CLINT1: variants seen among roughly 807,000 people sequenced by gnomAD.
CLINT1 encodes the protein clathrin interacting protein localized in the trans-Golgi region.
In CLINT1, 15 loss-of-function variants were observed where a neutral mutation model predicts 70.4. The ratio of observed to expected loss-of-function variants is 0.21; its 90% CI spans 0.14 to 0.33. The LOEUF (loss-of-function observed/expected upper bound fraction) is 0.33. CLINT1 is among the 10% of genes least tolerant of loss of function. The pLI is 1.00. For synonymous variants in CLINT1, 227 were observed against 254.7 expected (o/e 0.89, Z 1.04); for missense variants, 615 against 778.1 (o/e 0.79, Z 2.49).
At chr5:157,798,096 T>C (rs1762116176) in intron 8 of CLINT1, among the ~76,000 whole-genome samples, 1 of 152,200 alleles carries the variant, frequency 6.6e-6, no homozygotes, top group South Asian at 2.1e-4. Context: ...TTGAAAACTG[T>C]CTCAAAAATT....
In CLINT1 at chr5:157,832,805, G is replaced by A. The variant is rs117173545; in HGVS notation, c.42-15258C>T. 4.2e-3 allele frequency among the ~76,000 whole-genome samples: 643 copies of A among 152,140 alleles called. 32 individuals carry two copies. The East Asian group carries it at 0.1, about 24-fold the overall frequency. On this transcript the variant is annotated intron_variant, in intron 1 of 11. Transcript: ENST00000411809. ...ATATCCAATCTACTCCCAGGTCTTT[G>A]CAATTCTATTCCCTAGGTACCTCTC...
Position 157,791,907 on chromosome 5 carries a change from G to T in CLINT1, c.1176C>A (p.Phe392Leu). The T allele has an allele frequency of 3.7e-6, 6 of 1,614,008 alleles. No homozygotes were observed. Among genetic ancestry groups the T allele is most frequent in the Non-Finnish European group, 5.1e-6 (6 of 1,179,876 alleles). The change falls in exon 10 of 12, where the codon TTC becomes TTA. Residue 392 changes from phenylalanine to leucine, a missense_variant. By Grantham distance (22) the Phe-to-Leu change is conservative. Around this residue, in one of 2 missense-constraint regions of CLINT1, gnomAD observed 374 missense variants for 409.6 expected, o/e 0.91. Coordinates refer to ENST00000411809, the MANE Select transcript of CLINT1 (RefSeq NM_014666.4). ...CCGCTGGCTGTGAGGCACTGCCAAA[G>T]AACTCGCCACTGGAAGCAACAGGGC... ...PSGPVASSGEFFGSASQPAVE... is the reference protein window; with the variant it reads ...PSGPVASSGELFGSASQPAVE...
intron 1 of CLINT1, chr5:157,823,797 C>T (rs1762948225): frequency 1.6e-6 from 1 of 614,750 alleles, no homozygotes; most frequent in African/African-American, 2.0e-5. Flanking sequence ...GCGGACCGGC[C>T]TGTTGGGAAT....
intron 10 of CLINT1, 116 bp from the exon 11 acceptor site, chr5:157,789,629 A>T: frequency 2.2e-6 from 3 of 1,333,764 alleles, no homozygotes. Context: ...ATCAGATGGC[A>T]ATTTAATCAC....
chr5:157,815,465 A>C (rs1762691937), intron 3 of CLINT1, among the ~76,000 whole-genome samples: 1 of 152,196 alleles, frequency 6.6e-6, no homozygotes, highest in Non-Finnish European at 1.5e-5. Context: ...CTATATAATA[A>C]ATTGTACATT....
chr5:157,814,573 T>G (rs1762656267), intron 3 of CLINT1, among the ~76,000 whole-genome samples: 1 of 152,198 alleles, frequency 6.6e-6, no homozygotes, highest in African/African-American at 2.4e-5. Context: ...TCAGAATGCT[T>G]GATATAAATA....
intron 5 of CLINT1, among the ~76,000 whole-genome samples, chr5:157,811,881 G>A (rs1033280200): frequency 6.6e-6 from 1 of 152,062 alleles, no homozygotes; most frequent in African/African-American, 2.4e-5. Flanking sequence ...TTACTACTTG[G>A]GTAAATAATC....
chr5:157,838,673 A>G (rs776835791), intron 1 of CLINT1, among the ~76,000 whole-genome samples: 33 of 152,258 alleles, frequency 2.2e-4, no homozygotes, highest in Admixed American at 1.1e-3. Context: ...TAAACAATTC[A>G]AAAACCAAAA....
intron 1 of CLINT1, among the ~76,000 whole-genome samples, chr5:157,856,976 T>C (rs1753778668): frequency 6.6e-6 from 1 of 152,264 alleles, no homozygotes; most frequent in African/African-American, 2.4e-5. Flanking sequence ...CCTCGATTTC[T>C]GTCTTACGAA....
At chr5:157,834,842 T>C (rs934966336) in intron 1 of CLINT1, among the ~76,000 whole-genome samples, 2 of 152,250 alleles carry the variant, frequency 1.3e-5, no homozygotes, top group Non-Finnish European at 2.9e-5. Context: ...TATGAATTTA[T>C]TTTAATTACC....
chr5:157,844,513 A>C (rs1349787947), intron 1 of CLINT1, among the ~76,000 whole-genome samples: 2 of 152,190 alleles, frequency 1.3e-5, no homozygotes, highest in African/African-American at 4.8e-5. Flanking sequence ...TCAGTGAAGG[A>C]CCCTTACAAG....
intron 1 of CLINT1, among the ~76,000 whole-genome samples, chr5:157,829,345 A>G (rs968990760): frequency 4.6e-5 from 7 of 152,194 alleles, no homozygotes; most frequent in Non-Finnish European, 1.0e-4. Context: ...AATTTTTTTA[A>G]AACAGTAGTC....
At position 157,787,294 on chromosome 5, in the gene CLINT1, G is replaced by A. The variant is rs1173765825; in HGVS notation, c.*352C>T. ...AAATCAAGTTCCTCAGGAAAAGAAA[G>A]TATAAAATTAGAGATTCAAACACAT... is the stretch of plus-strand genomic sequence containing the variant. On this transcript the variant is annotated 3_prime_UTR_variant, in exon 12 of 12. Transcript: ENST00000411809. 5.0e-6 allele frequency: 1 copy of A among 200,776 alleles called. No individual in the cohort carries two copies. Among genetic ancestry groups the A allele is most frequent in the East Asian group, 1.3e-4 (1 of 7,936 alleles). 12.4% of individuals were successfully genotyped at this position (200,776 alleles called of 1,614,324 possible). A position where few individuals can be genotyped will look rare whatever the true frequency, so the allele number is the denominator to read the frequency against.
intron 4 of CLINT1, among the ~76,000 whole-genome samples, chr5:157,813,777 A>G (rs1211031016): frequency 6.6e-6 from 1 of 152,204 alleles, no homozygotes; most frequent in African/African-American, 2.4e-5. Flanking sequence ...TTCACATTCA[A>G]AACACACTGT....
chr5:157,803,333 GAGTC>G (rs1482072525), intron 8 of CLINT1, among the ~76,000 whole-genome samples: 1 of 152,122 alleles, frequency 6.6e-6, no homozygotes, highest in Non-Finnish European at 1.5e-5. Flanking sequence ...CAGGTATGAG[GAGTC>G]ATTAAAATCT....
At chr5:157,848,886 T>A (rs1753476348) in intron 1 of CLINT1, among the ~76,000 whole-genome samples, 1 of 151,972 alleles carries the variant, frequency 6.6e-6, no homozygotes, top group Non-Finnish European at 1.5e-5. Flanking sequence ...GGTCTCGAAC[T>A]CCTAACTTCA....
intron 1 of CLINT1, among the ~76,000 whole-genome samples, chr5:157,841,769 C>T (rs1753186401): frequency 6.6e-6 from 1 of 152,158 alleles, no homozygotes; most frequent in East Asian, 1.9e-4. Flanking sequence ...TATAGGCGTG[C>T]ATCATCACAT....
intron 1 of CLINT1, among the ~76,000 whole-genome samples, chr5:157,847,755 T>C (rs577145821): frequency 6.6e-6 from 1 of 152,152 alleles, no homozygotes; most frequent in Non-Finnish European, 1.5e-5. Context: ...GCAAAATAAG[T>C]GGTTTCTTGA....
At chr5:157,803,412 T>G (rs1762285999) in intron 8 of CLINT1, among the ~76,000 whole-genome samples, 1 of 152,074 alleles carries the variant, frequency 6.6e-6, no homozygotes, top group Non-Finnish European at 1.5e-5. Flanking sequence ...CAAACAAAGT[T>G]TTGCTAGTCT....
Sources: allele counts gnomAD v4.1 joint callset (sites outside exome capture counted in the v4.1 genomes callset), GRCh38; gene constraint gnomAD v4.1.1; regional missense constraint gnomAD v4.1.1; transcripts MANE v1.5; gene names NCBI Gene and HGNC (gene_info 2026-07-23, HGNC 2026-07-21).